SLCO1A2: variants seen among roughly 807,000 people sequenced by gnomAD.
The protein encoded by SLCO1A2 is solute carrier organic anion transporter family member 1A2.
In SLCO1A2, 67 loss-of-function variants were observed where a neutral mutation model predicts 69.0. The ratio of observed to expected loss-of-function variants is 0.97; its 90% CI spans 0.80 to 1.19. The LOEUF (loss-of-function observed/expected upper bound fraction) is 1.19, where lower values mean the gene tolerates loss of function less well. Among genes scored for constraint, SLCO1A2 ranks in the 50% most tolerant of loss-of-function variants. SLCO1A2 has a pLI of 0.00. For synonymous variants in SLCO1A2, 260 were observed against 265.9 expected (o/e 0.98, Z 0.22); for missense variants, 787 against 793.7 (o/e 0.99, Z 0.10).
intron 2 of SLCO1A2, among the ~76,000 whole-genome samples, chr12:21,323,132 G>T (rs1951846821): frequency 6.6e-6 from 1 of 152,100 alleles, no homozygotes; most frequent in Non-Finnish European, 1.5e-5. Flanking sequence ...CAAACAGAAA[G>T]CCAAAGGCCA....
chr12:21,338,261 C>T (rs996382244), upstream of SLCO1A2, among the ~76,000 whole-genome samples: 1 of 151,878 alleles, frequency 6.6e-6, no homozygotes, highest in Non-Finnish European at 1.5e-5. Flanking sequence ...GTCTTGGTGT[C>T]CAACCCTCTA....
chr12:21,319,075 T>C (rs1951250065), intron 2 of SLCO1A2, 152 bp from the exon 3 acceptor site: 1 of 708,800 alleles, frequency 1.4e-6, no homozygotes, highest in African/African-American at 1.8e-5. Context: ...AGTCTGCTCC[T>C]TTTGTCTGTC....
At chr12:21,380,884 C>A (rs1940544141) in intron 1 of SLCO1A2, among the ~76,000 whole-genome samples, 1 of 149,060 alleles carries the variant, frequency 6.7e-6, no homozygotes, top group Non-Finnish European at 1.5e-5. Context: ...CATGCCCCCA[C>A]TGCCCCAGCC....
chr12:21,317,656 A>G (rs1442229015), intron 3 of SLCO1A2, among the ~76,000 whole-genome samples: 1 of 152,330 alleles, frequency 6.6e-6, no homozygotes, highest in East Asian at 1.9e-4. Flanking sequence ...CACAGGTGAT[A>G]CAGGCTAAGA....
chr12:21,305,048 C>T lies in SLCO1A2; in HGVS notation c.443-475G>A, dbSNP rs535934288. Among the ~76,000 whole-genome samples the T allele has an allele frequency of 1.1e-4, 17 of 152,266 alleles. No individual in the cohort carries two copies. The South Asian group carries it at 1.4e-3, about 13-fold the overall frequency. ...TATTTATAAGATTTAAACAAAAGTT[C>T]GCTAAAGTGTGAATTCTCTACAGCT... On this transcript the variant is annotated intron_variant, in intron 5 of 14. Coordinates refer to ENST00000683939, the MANE Select transcript of SLCO1A2 (RefSeq NM_001386879.1).
intron 7 of SLCO1A2, 51 bp downstream of exon 7, chr12:21,301,120 G>T: frequency 8.8e-7 from 1 of 1,130,654 alleles, no homozygotes; most frequent in South Asian, 1.6e-5. Context: ...TAACATACCT[G>T]AGATGCTTTG....
In SLCO1A2 at chr12:21,265,323, T is replaced by C. The variant is rs1941958869; in HGVS notation, c.*4225A>G. ...AGAACAGCATGCATTCTGGGCAGGG[T>C]GGGACACAGTGAAGGGATGGAAGGT... On this transcript the variant is annotated 3_prime_UTR_variant, in exon 15 of 15. Transcript: ENST00000683939. 1 of 152,306 alleles carries C rather than the reference T, an allele frequency of 6.6e-6. No homozygotes were observed. The highest frequency in any genetic ancestry group is 1.5e-5 in the Non-Finnish European group (1 of 68,212). 9.4% of individuals were successfully genotyped at this position (152,306 alleles called of 1,614,324 possible).
chr12:21,327,051 GA>G lies in SLCO1A2; in HGVS notation c.60+7536del, dbSNP rs908796423. Among the ~76,000 whole-genome samples, 13 of 151,778 alleles carry G rather than the reference GA, an allele frequency of 8.6e-5. No homozygotes were observed. The South Asian group carries it at 2.3e-3, about 27-fold the overall frequency. ...CATCACAGGCCCAGAGGCCTAGGAG[GA>G]AAAAAAATGGTTTTCTTGTCCAGTC... On this transcript the variant is annotated intron_variant, in intron 2 of 14. Coordinates refer to ENST00000683939, the MANE Select transcript of SLCO1A2 (RefSeq NM_001386879.1).
intron 2 of SLCO1A2, among the ~76,000 whole-genome samples, chr12:21,345,995 A>G (rs1282269376): frequency 6.6e-6 from 1 of 152,010 alleles, no homozygotes; most frequent in Admixed American, 6.6e-5. Flanking sequence ...GCATGTTCCA[A>G]TAAAGCAGTT....
At chr12:21,302,280 G>T (rs1210765462) in intron 6 of SLCO1A2, among the ~76,000 whole-genome samples, 1 of 151,976 alleles carries the variant, frequency 6.6e-6, no homozygotes, top group Non-Finnish European at 1.5e-5. Flanking sequence ...CACTAATTTA[G>T]TGTCTTTTTT....
chr12:21,400,242 A>G (rs1941642456), upstream of SLCO1A2, among the ~76,000 whole-genome samples: 1 of 152,228 alleles, frequency 6.6e-6, no homozygotes, highest in South Asian at 2.1e-4. Flanking sequence ...TTCTCAAAAG[A>G]AGACATTTAT....
chr12:21,305,077 AT>A (rs1174407565), intron 5 of SLCO1A2, among the ~76,000 whole-genome samples: 1 of 152,232 alleles, frequency 6.6e-6, no homozygotes, highest in Non-Finnish European at 1.5e-5. Context: ...TACAGCTCTA[AT>A]TATTTCATAG....
chr12:21,288,924 T>C (rs1946392745), intron 12 of SLCO1A2, among the ~76,000 whole-genome samples: 1 of 151,760 alleles, frequency 6.6e-6, no homozygotes, highest in Non-Finnish European at 1.5e-5. Context: ...ATAATCTAGA[T>C]ATAAAATTTA....
intron 2 of SLCO1A2, among the ~76,000 whole-genome samples, chr12:21,360,728 C>T (rs1938781220): frequency 6.6e-6 from 1 of 152,218 alleles, no homozygotes; most frequent in African/African-American, 2.4e-5. Flanking sequence ...AATGGCACAC[C>T]AGGAGATTAT....
rs1411232347 is a variant in SLCO1A2 at position 21,267,262 on chromosome 12, A to G, written c.*2286T>C. ...ATGCCAAGGTACTAAGTCCATAGCC[A>G]TGTCTCTCTGGGCCTATGATGCTCC... On this transcript the variant is annotated 3_prime_UTR_variant, in exon 15 of 15. Transcript: ENST00000683939. The G allele has an allele frequency of 6.6e-6, 1 of 152,092 alleles. No individual in the cohort carries two copies. Among genetic ancestry groups the G allele is most frequent in the East Asian group, 1.9e-4 (1 of 5,186 alleles). 9.4% of individuals were successfully genotyped at this position (152,092 alleles called of 1,614,324 possible).
rs557477256 is a variant in SLCO1A2 at position 21,270,206 on chromosome 12, C to T, written c.1794-439G>A. Among the ~76,000 whole-genome samples, 6 of 151,872 alleles carry T rather than the reference C, an allele frequency of 4.0e-5. No individual in the cohort carries two copies. The South Asian group carries it at 1.0e-3, about 26-fold the overall frequency. On this transcript the variant is annotated intron_variant, in intron 14 of 14. Transcript: ENST00000683939. Reference sequence around the variant, plus strand: ...TAAGGAAGTTATTTTCTATTGTGAGCTTGCTCAAAGTTTTAATCATGAATG... The same window carrying T: ...TAAGGAAGTTATTTTCTATTGTGAGTTTGCTCAAAGTTTTAATCATGAATG...
At chr12:21,276,773 C>A (rs1436155857) in intron 12 of SLCO1A2, among the ~76,000 whole-genome samples, 1 of 152,114 alleles carries the variant, frequency 6.6e-6, no homozygotes, top group Non-Finnish European at 1.5e-5. Flanking sequence ...TTTATTAAAT[C>A]CTGTGCTGCC....
Position 21,301,279 on chromosome 12 carries a change from A to C in SLCO1A2, c.590-10T>G, listed in dbSNP as rs756281940. The C allele has an allele frequency of 6.3e-6, 10 of 1,586,080 alleles. No homozygotes were observed. Among genetic ancestry groups the C allele is most frequent in the Non-Finnish European group, 8.6e-6 (10 of 1,158,362 alleles). ...CCTGTTTCTACAAGCCCTAAAAATA[A>C]ATAAAAGTATAAGGTTATAGTACAG... is the stretch of plus-strand genomic sequence containing the variant. On this transcript the variant is annotated splice_polypyrimidine_tract_variant and intron_variant, in intron 6 of 14. Transcript: ENST00000683939.
chr12:21,339,188 A>G (rs1952987585), upstream of SLCO1A2, among the ~76,000 whole-genome samples: 1 of 152,062 alleles, frequency 6.6e-6, no homozygotes, highest in South Asian at 2.1e-4. Flanking sequence ...ACTACATTCC[A>G]AGCACAGTAG....
Sources: allele counts gnomAD v4.1 joint callset (sites outside exome capture counted in the v4.1 genomes callset), GRCh38; gene constraint gnomAD v4.1.1; transcripts MANE v1.5; gene names NCBI Gene and HGNC (gene_info 2026-07-23, HGNC 2026-07-21).